Variants in CSMD1 observed in about 807,000 individuals in gnomAD.
CSMD1 encodes the protein CUB and Sushi multiple domains 1, also known as CUB and sushi domain-containing protein 1.
A neutral mutation model predicts 417.5 loss-of-function variants in CSMD1; 213 were observed. That is an observed-to-expected ratio of 0.51 (90% CI 0.46 to 0.57). CSMD1 has a LOEUF of 0.57. Ranked by LOEUF, CSMD1 falls within the 20% of genes least tolerant of loss-of-function variation. CSMD1 has a pLI of 0.00. For synonymous variants in CSMD1, 2,862 were observed against 1,736.8 expected (o/e 1.65, Z -16.11); for missense variants, 6,923 against 4,529.7 (o/e 1.53, Z -15.17).
intron 5 of CSMD1, among the ~76,000 whole-genome samples, chr8:3,938,750 T>C (rs533846732): frequency 2.0e-5 from 3 of 152,198 alleles, no homozygotes; most frequent in Non-Finnish European, 4.4e-5. Context: ...CAGCAATCTA[T>C]GTCAAGTGCC....
At chr8:3,672,414 A>C (rs1382142384) in intron 7 of CSMD1, among the ~76,000 whole-genome samples, 3 of 152,158 alleles carry the variant, frequency 2.0e-5, no homozygotes, top group Non-Finnish European at 2.9e-5. Context: ...AAACATAAAC[A>C]GTCCAGGGTG....
intron 10 of CSMD1, among the ~76,000 whole-genome samples, chr8:3,538,676 T>C (rs1390479806): frequency 2.6e-5 from 4 of 152,220 alleles, no homozygotes; most frequent in Non-Finnish European, 5.9e-5. Context: ...TTTTCTTCCT[T>C]AGCAACGTGG....
rs1037523596 is a variant in CSMD1 at position 3,720,599 on chromosome 8, G to T, written c.932-12108C>A. On this transcript the variant is annotated intron_variant, in intron 6 of 69. Coordinates refer to ENST00000635120, the MANE Select transcript of CSMD1 (RefSeq NM_033225.6). The stretch of plus-strand genomic sequence containing the variant: ...ACAGTAGGAGAAACCTCACAGCATT[G>T]GTGGTCAAAGTCTTTATTCTTACAC... 4.8e-5 allele frequency among the ~76,000 whole-genome samples: 6 copies of T among 123,722 alleles called. No individual in the cohort carries two copies. In the Admixed American group the frequency reaches 5.1e-4, roughly 10 times the overall value. 81.2% of individuals were successfully genotyped at this position (123,722 alleles called of 152,430 possible).
At chr8:4,329,183 T>C (rs958147963) in intron 3 of CSMD1, among the ~76,000 whole-genome samples, 34 of 152,322 alleles carry the variant, frequency 2.2e-4, no homozygotes, top group African/African-American at 8.2e-4. Context: ...TAATGGAGAA[T>C]AACAAGTATA....
intron 3 of CSMD1, among the ~76,000 whole-genome samples, chr8:4,260,726 A>G (rs890055741): frequency 1.3e-5 from 2 of 152,180 alleles, no homozygotes; most frequent in Non-Finnish European, 2.9e-5. Context: ...ATCTTCTTAT[A>G]ATATTATCAT....
Position 3,219,458 on chromosome 8 carries a change from G to A in CSMD1, c.4485-16C>T. Reference sequence around the variant, plus strand: ...CATGTTGAAACTAAAGAAAAGAATAGTAATTATGTCATACGGCTAACAGAT... The same window carrying A: ...CATGTTGAAACTAAAGAAAAGAATAATAATTATGTCATACGGCTAACAGAT... On this transcript the variant is annotated splice_polypyrimidine_tract_variant and intron_variant, in intron 28 of 69. Coordinates refer to ENST00000635120, the MANE Select transcript of CSMD1 (RefSeq NM_033225.6). 4 of 1,436,094 alleles carry A rather than the reference G, an allele frequency of 2.8e-6. No homozygotes were observed. Among genetic ancestry groups the A allele is most frequent in the Non-Finnish European group, 3.7e-6 (4 of 1,087,858 alleles). 89.0% of individuals were successfully genotyped at this position (1,436,094 alleles called of 1,614,324 possible). A position where few individuals can be genotyped will look rare whatever the true frequency, so the allele number is the denominator to read the frequency against.
chr8:3,863,332 G>T (rs1483022247), intron 5 of CSMD1, among the ~76,000 whole-genome samples: 2 of 150,882 alleles, frequency 1.3e-5, no homozygotes, highest in East Asian at 1.9e-4. Context: ...AGGAGATGGT[G>T]GTTGCAGGAG....
intron 3 of CSMD1, among the ~76,000 whole-genome samples, chr8:4,133,609 C>G (rs1803241859): frequency 6.6e-6 from 1 of 152,132 alleles, no homozygotes; most frequent in South Asian, 2.1e-4. Flanking sequence ...ATCTTTCATG[C>G]TAAGCATTGT....
chr8:3,367,034 G>A lies in CSMD1; in HGVS notation c.3113C>T (p.Ser1038Leu), dbSNP rs779384793. 4 of 1,611,790 alleles carry A rather than the reference G, an allele frequency of 2.5e-6. No individual in the cohort carries two copies. In the Admixed American group the frequency reaches 5.0e-5, roughly 20 times the overall value. Reference sequence around the variant, plus strand: ...AACAGCAAACAAGACCAACATACCTGAAAATGTGATATTGAAGCCCTCGTA... The same window carrying A: ...AACAGCAAACAAGACCAACATACCTAAAAATGTGATATTGAAGCCCTCGTA... ...ISYEGFNITF[S>L]EYDLEPCDDP... The change falls in exon 20 of 70, where the codon TCA (serine) becomes TTA (leucine). Residue 1038 changes from serine (S) to leucine (L), a missense_variant and splice_region_variant. By Grantham distance (145) the Ser-to-Leu change is moderately radical. Coordinates refer to ENST00000635120, the MANE Select transcript of CSMD1 (RefSeq NM_033225.6).
In CSMD1 at chr8:4,078,474, C is replaced by A. The variant is rs371051769; in HGVS notation, c.416-46375G>T. On this transcript the variant is annotated intron_variant, in intron 3 of 69. Coordinates refer to ENST00000635120, the MANE Select transcript of CSMD1 (RefSeq NM_033225.6). ...GGACTACAGGTGCCACCATGTTAGC[C>A]AGGATGGTCTCGATCTCCTGACCTT... Among the ~76,000 whole-genome samples, 196 of 151,936 alleles carry A rather than the reference C, an allele frequency of 1.3e-3. 6 individuals carry two copies. In the South Asian group the frequency reaches 0.038, roughly 30 times the overall value.
At chr8:4,579,572 C>T (rs1232868961) in intron 2 of CSMD1, among the ~76,000 whole-genome samples, 1 of 152,052 alleles carries the variant, frequency 6.6e-6, no homozygotes, top group African/African-American at 2.4e-5. Context: ...GCATGTTAGC[C>T]AGGCTGGTCT....
At chr8:3,861,054 C>T (rs543643989) in intron 5 of CSMD1, among the ~76,000 whole-genome samples, 1 of 152,264 alleles carries the variant, frequency 6.6e-6, no homozygotes, top group African/African-American at 2.4e-5. Flanking sequence ...TTGCTCCTCT[C>T]CCCTCCTTTT....
intron 11 of CSMD1, among the ~76,000 whole-genome samples, chr8:3,472,384 T>G (rs1000781357): frequency 1.3e-5 from 2 of 152,144 alleles, no homozygotes; most frequent in Non-Finnish European, 1.5e-5. Flanking sequence ...ACTAATGATT[T>G]TGTCACATTT....
chr8:3,357,502 G>C (rs73657827), intron 21 of CSMD1, among the ~76,000 whole-genome samples: 3,421 of 152,258 alleles, frequency 0.022, 129 homozygotes, highest in African/African-American at 0.077. Context: ...TCCAACTCTA[G>C]TTACTGAGTT....
chr8:3,425,648 A>G lies in CSMD1; in HGVS notation c.1562-16043T>C, dbSNP rs1813792853. On this transcript the variant is annotated intron_variant, in intron 12 of 69. Coordinates refer to ENST00000635120, the MANE Select transcript of CSMD1 (RefSeq NM_033225.6). ...AAAAAAGGAAATGCCCTGTCCCAGCAGCAGGGAGCCCAGAGAGTTTTCATT... is the reference window on the plus strand; with the variant it reads ...AAAAAAGGAAATGCCCTGTCCCAGCGGCAGGGAGCCCAGAGAGTTTTCATT... Among the ~76,000 whole-genome samples, 3 of 152,058 alleles carry G rather than the reference A, an allele frequency of 2.0e-5. No individual in the cohort carries two copies. In the South Asian group the frequency reaches 6.2e-4, roughly 32 times the overall value.
Position 3,205,977 on chromosome 8 carries a change from T to G in CSMD1, c.4868-357A>C, listed in dbSNP as rs544917255. On this transcript the variant is annotated intron_variant, in intron 30 of 69. Transcript: ENST00000635120. ...TGTCTGTTCGAAGTCAATCCTCATA[T>G]TAACTTAAGAGATACAAAGATTATT... 3.9e-4 allele frequency among the ~76,000 whole-genome samples: 59 copies of G among 152,314 alleles called. 1 individual carries two copies. The South Asian group carries it at 0.012, about 30-fold the overall frequency.
chr8:3,651,016 G>A (rs1032909940), intron 7 of CSMD1, among the ~76,000 whole-genome samples: 3 of 152,174 alleles, frequency 2.0e-5, no homozygotes, highest in Non-Finnish European at 4.4e-5. Flanking sequence ...CTTGAAGTCA[G>A]CCTTGACTCT....
rs572568493 is a variant in CSMD1 at position 3,179,159 on chromosome 8, A to G, written c.5725+1951T>C. ...ACGGGGTTTCAACGTGTTAGCCAGGACTGTCTCGATCTCCTGACCTCGTGA... is the reference window on the plus strand; with the variant it reads ...ACGGGGTTTCAACGTGTTAGCCAGGGCTGTCTCGATCTCCTGACCTCGTGA... On this transcript the variant is annotated intron_variant, in intron 37 of 69. Coordinates refer to ENST00000635120, the MANE Select transcript of CSMD1 (RefSeq NM_033225.6). 5.9e-4 allele frequency among the ~76,000 whole-genome samples: 89 copies of G among 151,232 alleles called. 1 individual carries two copies. Among genetic ancestry groups the G allele is most frequent in the Admixed American group, 4.6e-3 (70 of 15,228 alleles).
intron 1 of CSMD1, among the ~76,000 whole-genome samples, chr8:4,812,434 TA>T (rs1162426246): frequency 1.3e-5 from 2 of 152,130 alleles, no homozygotes; most frequent in African/African-American, 4.8e-5. Flanking sequence ...TCTAAGTAGG[TA>T]AAAAGAGTAC....
Sources: gnomAD v4.1 joint callset for allele counts (sites outside exome capture counted in the v4.1 genomes callset) on GRCh38, gnomAD v4.1.1 for gene constraint, MANE v1.5 for transcripts, NCBI Gene and HGNC (gene_info 2026-07-23, HGNC 2026-07-21) for gene names.